The following BBS2 variants were observed in gnomAD, a reference collection of about 807,000 sequenced individuals.
BBS2 encodes the protein Bardet-Biedl syndrome 2.
In BBS2, 62 loss-of-function variants were observed where a neutral mutation model predicts 83.0. The observed-to-expected ratio is 0.75, with a 90% CI of 0.61 to 0.92. The LOEUF is 0.92. Among genes scored for constraint, BBS2 ranks in the 40% least tolerant of loss-of-function variants. BBS2 has a pLI of 0.00. For missense variants in BBS2, 784 were observed against 901.0 expected (o/e 0.87, Z 1.66); for synonymous variants, 303 against 326.1 (o/e 0.93, Z 0.76).
chr16:56,513,316 A>C (rs1229778510), intron 2 of BBS2, among the ~76,000 whole-genome samples: 3 of 152,238 alleles, frequency 2.0e-5, no homozygotes, highest in African/African-American at 7.2e-5. Flanking sequence ...CGGTTAAACA[A>C]ATTACATTAA....
Position 56,519,730 on chromosome 16 carries a change from G to A in BBS2, c.117+16C>T. On this transcript the variant is annotated intron_variant, in intron 1 of 16. Transcript: ENST00000245157. ...GTTCCCTGGGGCCCGGGCTCCCTGCGGGTGGGAGCGGTTACCTTGCCCGTT... is the reference window on the plus strand; with the variant it reads ...GTTCCCTGGGGCCCGGGCTCCCTGCAGGTGGGAGCGGTTACCTTGCCCGTT... 6.3e-7 allele frequency: 1 copy of A among 1,591,990 alleles called. No homozygotes were observed. The highest frequency in any genetic ancestry group is 8.6e-7 in the Non-Finnish European group (1 of 1,161,438).
At position 56,484,705 on chromosome 16, in the gene BBS2, A is replaced by G. The variant is rs1963725587; in HGVS notation, c.*56T>C. Reference sequence around the variant, plus strand: ...AGGGTGTGATCCAAAGCAAACCAGCATAGGTTTTTAACAGAAAATCTTTGC... The same window carrying G: ...AGGGTGTGATCCAAAGCAAACCAGCGTAGGTTTTTAACAGAAAATCTTTGC... On this transcript the variant is annotated 3_prime_UTR_variant, in exon 17 of 17. Coordinates refer to ENST00000245157, the MANE Select transcript of BBS2 (RefSeq NM_031885.5). 2.7e-6 allele frequency: 4 copies of G among 1,504,556 alleles called. No individual in the cohort carries two copies. In the East Asian group the frequency reaches 6.8e-5, roughly 26 times the overall value. The allele number at this position is 1,504,556 out of a possible 1,614,324, so 93.2% of individuals were successfully genotyped here.
chr16:56,505,435 T>G (rs1964395816), intron 7 of BBS2, among the ~76,000 whole-genome samples: 1 of 152,208 alleles, frequency 6.6e-6, no homozygotes, highest in African/African-American at 2.4e-5. Flanking sequence ...CTAGGCAGCT[T>G]CTAAGAAGAC....
At position 56,520,004 on chromosome 16, in the gene BBS2, G is replaced by A. The variant is rs1202538241; in HGVS notation, c.-142C>T. ...GGCCGGACGCGAAACAGCCCGGGAC[G>A]AACCCGTCCAGGTACCGCCTGCTCC... is the stretch of plus-strand genomic sequence containing the variant. On this transcript the variant is annotated 5_prime_UTR_variant, in exon 1 of 17. Coordinates refer to ENST00000245157, the MANE Select transcript of BBS2 (RefSeq NM_031885.5). 7 of 735,942 alleles carry A rather than the reference G, an allele frequency of 9.5e-6. No homozygotes were observed. Among genetic ancestry groups the A allele is most frequent in the Non-Finnish European group, 1.4e-5 (6 of 416,594 alleles). The allele number at this position is 735,942 out of a possible 1,614,324, so 45.6% of individuals were successfully genotyped here. A position where few individuals can be genotyped will look rare whatever the true frequency, so the allele number is the denominator to read the frequency against.
rs1427712120 is a variant in BBS2 at position 56,484,681 on chromosome 16, G to C, written c.*80C>G. On this transcript the variant is annotated 3_prime_UTR_variant, in exon 17 of 17. Coordinates refer to ENST00000245157, the MANE Select transcript of BBS2 (RefSeq NM_031885.5). ...CATTCTTAGCACCCGGGGTTCACCA[G>C]GGTGTGATCCAAAGCAAACCAGCAT... is the stretch of plus-strand genomic sequence containing the variant. The C allele has an allele frequency of 6.5e-6, 8 of 1,221,760 alleles. No individual in the cohort carries two copies. Among genetic ancestry groups the C allele is most frequent in the East Asian group, 2.4e-5 (1 of 41,956 alleles). The allele number at this position is 1,221,760 out of a possible 1,614,324, so 75.7% of individuals were successfully genotyped here. A position where few individuals can be genotyped will look rare whatever the true frequency, so the allele number is the denominator to read the frequency against.
intron 5 of BBS2, chr16:56,509,251 C>T (rs2144174200): frequency 6.5e-6 from 1 of 152,826 alleles, no homozygotes; most frequent in East Asian, 1.9e-4. Context: ...CCTGTAATCC[C>T]AACACTTTGG....
intron 15 of BBS2, among the ~76,000 whole-genome samples, chr16:56,488,012 A>G (rs770799687): frequency 3.0e-4 from 46 of 152,216 alleles, no homozygotes; most frequent in Non-Finnish European, 5.6e-4. Flanking sequence ...TGATGGTTAC[A>G]CATTATGAAC....
At chr16:56,509,925 AG>A in intron 5 of BBS2, 31 bp downstream of exon 5, 1 of 1,607,720 alleles carries the variant, frequency 6.2e-7, no homozygotes, top group African/African-American at 1.3e-5. Flanking sequence ...ATCTTGCTCA[AG>A]GTTACCATAG....
intron 17 of BBS2, chr16:56,477,413 G>A (rs1457183239): frequency 6.6e-6 from 1 of 152,192 alleles, no homozygotes; most frequent in Non-Finnish European, 1.5e-5. Context: ...GCTGCTTATT[G>A]CCATGTGTAG....
chr16:56,475,373 A>T (rs945244970), intron 17 of BBS2: 1 of 814,894 alleles, frequency 1.2e-6, no homozygotes, highest in South Asian at 1.4e-5. Flanking sequence ...GTTCAAGCTC[A>T]TAAGTCATAG....
intron 2 of BBS2, among the ~76,000 whole-genome samples, chr16:56,513,697 G>C (rs1964644329): frequency 6.6e-6 from 1 of 152,150 alleles, no homozygotes; most frequent in Non-Finnish European, 1.5e-5. Context: ...GGAGGTTAAA[G>C]AAAAATGGGG....
chr16:56,516,377 C>T (rs555170855), intron 1 of BBS2, among the ~76,000 whole-genome samples: 12 of 152,090 alleles, frequency 7.9e-5, no homozygotes, highest in Non-Finnish European at 5.9e-5. Flanking sequence ...TAATATTCAC[C>T]CTGCAAGAGA....
In BBS2 at chr16:56,485,686, G is replaced by C; in HGVS notation, c.1963C>G (p.Leu655Val). The change falls in exon 16 of 17, where the codon CTA becomes GTA. Residue 655 changes from leucine to valine, a missense_variant. Coordinates refer to ENST00000245157, the MANE Select transcript of BBS2 (RefSeq NM_031885.5). ...MELYDLNRDL[L>V]NGYKIRCNNH... ...TTACAGCGAATTTTATATCCATTTA[G>C]CAAGTCTCTATTAAGGTCATAGAGT... The C allele has an allele frequency of 6.2e-7, 1 of 1,613,754 alleles. No individual in the cohort carries two copies. The highest frequency in any genetic ancestry group is 1.3e-5 in the African/African-American group (1 of 74,994).
At chr16:56,478,178 A>AGAT (rs1963559403) in intron 17 of BBS2, 1 of 151,948 alleles carries the variant, frequency 6.6e-6, no homozygotes, top group African/African-American at 2.4e-5. Context: ...TTTGCGTTTG[A>AGAT]GATGGAGTCT....
chr16:56,500,704 G>T, intron 11 of BBS2, 150 bp downstream of exon 11: 1 of 713,286 alleles, frequency 1.4e-6, no homozygotes, highest in Non-Finnish European at 2.3e-6. Flanking sequence ...TCAAACTGAG[G>T]AAATAAAAGG....
intron 17 of BBS2, chr16:56,476,087 A>G (rs776784166): frequency 5.0e-6 from 8 of 1,613,752 alleles, no homozygotes; most frequent in African/African-American, 1.3e-5. Context: ...GCATTGGTCT[A>G]CAGAGACAGA....
rs141563594 is a variant in BBS2, at chr16:56,506,195, G to A, written c.642C>T (p.Gly214=). ...EIVTSLCPMY[G]SRFGYALSNG... The stretch of plus-strand genomic sequence containing the variant: ...TGGAAAGGGCATAACCAAATCGACT[G>A]CCATACATGGGACAAAGAGAGGTGA... Residue 214 remains glycine (G), a synonymous_variant, in exon 6 of 17, where the codon GGC becomes GGT. Coordinates refer to ENST00000245157, the MANE Select transcript of BBS2 (RefSeq NM_031885.5). The A allele has an allele frequency of 1.1e-4, 177 of 1,613,862 alleles. 1 individual carries two copies. Among genetic ancestry groups the A allele is most frequent in the Admixed American group, 2.0e-4 (12 of 60,012 alleles).
intron 15 of BBS2, among the ~76,000 whole-genome samples, chr16:56,488,491 T>C (rs1963850484): frequency 6.6e-6 from 1 of 152,192 alleles, no homozygotes; most frequent in African/African-American, 2.4e-5. Flanking sequence ...TAAAGGATAT[T>C]ACAAAGGATA....
At chr16:56,477,380 C>A (rs1963530661) in intron 17 of BBS2, 1 of 152,160 alleles carries the variant, frequency 6.6e-6, no homozygotes, top group African/African-American at 2.4e-5. Flanking sequence ...CCCCAAGAAA[C>A]TTCTGGTTGG....
Sources: gnomAD v4.1 joint callset for allele counts (sites outside exome capture counted in the v4.1 genomes callset) on GRCh38, gnomAD v4.1.1 for gene constraint, MANE v1.5 for transcripts, NCBI Gene and HGNC (gene_info 2026-07-23, HGNC 2026-07-21) for gene names.